Variants in CCDC88C observed in about 807,000 individuals in gnomAD.
CCDC88C encodes the protein protein Daple.
A neutral mutation model predicts 198.8 loss-of-function variants in CCDC88C; 131 were observed. The observed-to-expected ratio is 0.66, with a 90% confidence interval of 0.57 to 0.76. The LOEUF is 0.76. CCDC88C is among the 30% of genes least tolerant of loss of function. The pLI is 0.00. For missense variants in CCDC88C, 2,553 were observed against 2,631.6 expected (o/e 0.97, Z 0.65); for synonymous variants, 1,166 against 1,114.7 (o/e 1.05, Z -0.92).
chr14:91,396,517 A>G (rs1436516840), intron 3 of CCDC88C, among the ~76,000 whole-genome samples: 1 of 152,154 alleles, frequency 6.6e-6, no homozygotes, highest in Non-Finnish European at 1.5e-5. Flanking sequence ...TGCAGCTTTC[A>G]ATCGGAGCTG....
At chr14:91,314,229 G>C (rs1891995640) in intron 14 of CCDC88C, 79 bp from the exon 15 acceptor site, 10 of 1,183,930 alleles carry the variant, frequency 8.4e-6, no homozygotes, top group Non-Finnish European at 1.2e-5. Flanking sequence ...CTGGGGATGG[G>C]AGAGAGAAGG....
At chr14:91,380,599 GCATCATGTCATTC>G (rs1237862317) in intron 3 of CCDC88C, among the ~76,000 whole-genome samples, 10 of 152,070 alleles carry the variant, frequency 6.6e-5, no homozygotes, top group Non-Finnish European at 1.5e-4. Flanking sequence ...GCAAACTCCA[GCATCATGTCATTC>G]CACTTCTCCA....
chr14:91,368,565 C>T (rs958712917), intron 3 of CCDC88C, among the ~76,000 whole-genome samples: 11 of 152,098 alleles, frequency 7.2e-5, no homozygotes, highest in African/African-American at 2.7e-4. Context: ...CAGGAAAGGC[C>T]CCACACGTAT....
rs1221949039 is a variant in CCDC88C, at chr14:91,291,098, A to G, written c.4113-14T>C. 2.3e-5 allele frequency: 32 copies of G among 1,402,312 alleles called. No homozygotes were observed. Among genetic ancestry groups the G allele is most frequent in the African/African-American group, 2.8e-5 (2 of 70,778 alleles). The allele number at this position is 1,402,312 out of a possible 1,614,324, so 86.9% of individuals were successfully genotyped here. A position where few individuals can be genotyped will look rare whatever the true frequency, so the allele number is the denominator to read the frequency against. On this transcript the variant is annotated splice_polypyrimidine_tract_variant and intron_variant, in intron 23 of 29. Coordinates refer to ENST00000389857, the MANE Select transcript of CCDC88C (RefSeq NM_001080414.4). The stretch of plus-strand genomic sequence containing the variant: ...TTTAATTTGTCTCTGTGAATATAGG[A>G]GAAAGAAAACCTATCAATCCAGTTT...
At chr14:91,343,786 C>G (rs1447392428) in intron 4 of CCDC88C, 129 bp from the exon 5 acceptor site, 13 of 1,019,130 alleles carry the variant, frequency 1.3e-5, no homozygotes, top group Non-Finnish European at 1.9e-5. Flanking sequence ...CTTAGGTATA[C>G]ACACTCCATC....
At chr14:91,316,252 G>A (rs1441723247) in intron 13 of CCDC88C, among the ~76,000 whole-genome samples, 3 of 152,126 alleles carry the variant, frequency 2.0e-5, no homozygotes. Context: ...TCACAGGCCA[G>A]GCCACATTTT....
At chr14:91,337,981 G>A (rs1312576039) in intron 10 of CCDC88C, 24 bp downstream of exon 10, 1 of 1,606,410 alleles carries the variant, frequency 6.2e-7, no homozygotes, top group African/African-American at 1.3e-5. Context: ...CCCCATCCAG[G>A]GGCCTCACAG....
In CCDC88C at chr14:91,291,020, T is replaced by C. The variant is rs1179798726; in HGVS notation, c.4177A>G (p.Lys1393Glu). ...KLEEKIMDQY[K>E]FYDPPPKKKN... ...TTCTTTGGAGGAGGATCATAGAACT[T>C]GTATTGATCCATGATTTTTTCTTCC... Residue 1393 changes from lysine to glutamate, a missense_variant, in exon 24 of 30, where the codon AAG becomes GAG. Physicochemically the swap from Lys to Glu is moderately conservative, Grantham distance 56. Around this residue, in one of 2 missense-constraint regions of CCDC88C, gnomAD observed 1,293 missense variants for 1,219.6 expected, o/e 1.06. Coordinates refer to ENST00000389857, the MANE Select transcript of CCDC88C (RefSeq NM_001080414.4). The C allele has an allele frequency of 2.5e-6, 4 of 1,591,034 alleles. No homozygotes were observed. The highest frequency in any genetic ancestry group is 3.4e-6 in the Non-Finnish European group (4 of 1,164,690).
chr14:91,302,982 C>G (rs747149906), intron 20 of CCDC88C, among the ~76,000 whole-genome samples: 4 of 152,210 alleles, frequency 2.6e-5, no homozygotes, highest in Non-Finnish European at 5.9e-5. Context: ...CACACAGGAG[C>G]CCCTCTTACT....
intron 3 of CCDC88C, among the ~76,000 whole-genome samples, chr14:91,382,981 C>T (rs1048435970): frequency 1.3e-5 from 2 of 152,174 alleles, no homozygotes; most frequent in Non-Finnish European, 2.9e-5. Context: ...GTCACTATCC[C>T]TCCTTCCATC....
At chr14:91,415,196 G>A (rs17127363) in intron 2 of CCDC88C, among the ~76,000 whole-genome samples, 3,551 of 152,180 alleles carry the variant, frequency 0.023, 130 homozygotes, top group African/African-American at 0.08. Context: ...CAGAATGAGG[G>A]GAGAGTGGCC....
At position 91,304,013 on chromosome 14, in the gene CCDC88C, C is replaced by T. The variant is rs1891456068; in HGVS notation, c.3358-35G>A. The T allele has an allele frequency of 1.9e-6, 3 of 1,583,804 alleles. No homozygotes were observed. In the African/African-American group the frequency reaches 4.0e-5, roughly 21 times the overall value. On this transcript the variant is annotated intron_variant, in intron 19 of 29. Coordinates refer to ENST00000389857, the MANE Select transcript of CCDC88C (RefSeq NM_001080414.4). ...GGGAGAAGCGCGGCGTGGCGCAGGC[C>T]CCACAGTCAGCGAGGAGGGCTGGGG...
chr14:91,280,555 T>C (rs941337729), intron 27 of CCDC88C, among the ~76,000 whole-genome samples: 1 of 152,174 alleles, frequency 6.6e-6, no homozygotes, highest in African/African-American at 2.4e-5. Context: ...AAAAGCACCA[T>C]TGTTTATTCA....
At chr14:91,303,557 C>T (rs1891418357) in intron 20 of CCDC88C, 144 bp downstream of exon 20, 4 of 723,162 alleles carry the variant, frequency 5.5e-6, no homozygotes, top group Non-Finnish European at 8.4e-6. Flanking sequence ...CCACCCATCT[C>T]CTCCAGGCTC....
chr14:91,321,269 A>G lies in CCDC88C; in HGVS notation c.1378T>C (p.Cys460Arg). Residue 460 changes from cysteine (C) to arginine (R), a missense_variant, in exon 13 of 30, where the codon TGT becomes CGT. Physicochemically the swap from Cys to Arg is radical, Grantham distance 180. Coordinates refer to ENST00000389857, the MANE Select transcript of CCDC88C (RefSeq NM_001080414.4). Reference protein sequence around the residue: ...RKSFVFELNECASSRILKLEK... With the variant: ...RKSFVFELNERASSRILKLEK... Reference sequence around the variant, plus strand: ...AGCTTCAGGATGCGGCTGGACGCACATTCGTTCAGCTCAAACACAAACGAC... The same window carrying G: ...AGCTTCAGGATGCGGCTGGACGCACGTTCGTTCAGCTCAAACACAAACGAC... 6.4e-7 allele frequency: 1 copy of G among 1,571,458 alleles called. No individual in the cohort carries two copies. The highest frequency in any genetic ancestry group is 8.6e-7 in the Non-Finnish European group (1 of 1,157,482).
chr14:91,400,219 C>T (rs554841692), intron 3 of CCDC88C, among the ~76,000 whole-genome samples: 6 of 152,316 alleles, frequency 3.9e-5, no homozygotes, highest in Admixed American at 2.6e-4. Flanking sequence ...GAGGAAGAGC[C>T]GGTAACCTGT....
At chr14:91,310,076 T>C in intron 15 of CCDC88C, 90 bp from the exon 16 acceptor site, 2 of 1,347,408 alleles carry the variant, frequency 1.5e-6, no homozygotes, top group South Asian at 1.5e-5. Flanking sequence ...TGAGCAACTG[T>C]CCTCCCGGGC....
chr14:91,292,882 C>T (rs1037442371), intron 23 of CCDC88C, among the ~76,000 whole-genome samples: 14 of 152,288 alleles, frequency 9.2e-5, no homozygotes, highest in East Asian at 5.8e-4. Context: ...AGAGTAGTAT[C>T]CCTTCCAAAA....
At chr14:91,408,618 TG>T in intron 3 of CCDC88C, 40 bp downstream of exon 3, 2 of 1,257,824 alleles carry the variant, frequency 1.6e-6, no homozygotes, top group South Asian at 1.2e-5. Context: ...ACGATACTGA[TG>T]GACACACATC....
Sources: gnomAD v4.1 joint callset for allele counts (sites outside exome capture counted in the v4.1 genomes callset) on GRCh38, gnomAD v4.1.1 for gene constraint, gnomAD v4.1.1 regional missense constraint, MANE v1.5 for transcripts, NCBI Gene and HGNC (gene_info 2026-07-23, HGNC 2026-07-21) for gene names.